Variants in ATRNL1 observed in about 807,000 individuals in gnomAD.
The protein encoded by ATRNL1 is attractin-like protein 1.
Under a neutral mutation model 182.7 loss-of-function variants are expected in ATRNL1, and 95 were observed. The ratio of observed to expected loss-of-function variants is 0.52; its 90% CI spans 0.44 to 0.62. The LOEUF (loss-of-function observed/expected upper bound fraction) is 0.62. ATRNL1 is among the 20% of genes least tolerant of loss of function. The probability of loss-of-function intolerance (pLI) is 0.00; values close to 1 mark genes in which losing one functional copy is unlikely to be tolerated. For missense variants in ATRNL1, 1,471 were observed against 1,679.5 expected, an observed-to-expected ratio of 0.88 and a Z score of 2.17; for synonymous variants, 576 against 568.3, an observed-to-expected ratio of 1.01 and a Z score of -0.19.
intron 15 of ATRNL1, among the ~76,000 whole-genome samples, chr10:115,297,097 A>T (rs1250364204): frequency 1.3e-5 from 2 of 149,978 alleles, no homozygotes; most frequent in African/African-American, 4.9e-5. Flanking sequence ...ACATGAAAAT[A>T]TTGGTAAAGA....
At chr10:115,847,410 G>A (rs1431466811) in intron 27 of ATRNL1, among the ~76,000 whole-genome samples, 1 of 152,010 alleles carries the variant, frequency 6.6e-6, no homozygotes, top group East Asian at 1.9e-4. Flanking sequence ...TGATGAATAT[G>A]TTACTTCGAT....
chr10:115,396,116 T>C (rs1377400365), intron 20 of ATRNL1, among the ~76,000 whole-genome samples: 1 of 151,962 alleles, frequency 6.6e-6, no homozygotes, highest in Non-Finnish European at 1.5e-5. Flanking sequence ...GTTAGGTGAT[T>C]ATGTCTTTGC....
At chr10:115,528,351 G>A (rs1554987268) in intron 25 of ATRNL1, among the ~76,000 whole-genome samples, 1 of 151,788 alleles carries the variant, frequency 6.6e-6, no homozygotes, top group Non-Finnish European at 1.5e-5. Flanking sequence ...TTCAATCTTG[G>A]TAGGTTTTAT....
intron 9 of ATRNL1, among the ~76,000 whole-genome samples, chr10:115,223,314 C>T (rs2144463632): frequency 6.6e-6 from 1 of 152,174 alleles, no homozygotes; most frequent in Non-Finnish European, 1.5e-5. Flanking sequence ...CTAAATGTGA[C>T]AGATTAAATA....
chr10:115,353,009 C>T (rs545410339), intron 19 of ATRNL1, among the ~76,000 whole-genome samples: 1 of 152,314 alleles, frequency 6.6e-6, no homozygotes, highest in East Asian at 1.9e-4. Flanking sequence ...CAAGAATATT[C>T]CATGTGCTAA....
At chr10:115,138,806 C>T (rs1450114146) in intron 5 of ATRNL1, among the ~76,000 whole-genome samples, 1 of 152,206 alleles carries the variant, frequency 6.6e-6, no homozygotes, top group Non-Finnish European at 1.5e-5. Flanking sequence ...ATTACTTATG[C>T]AAATTTATGC....
chr10:115,800,660 A>C (rs1013725718), intron 27 of ATRNL1, among the ~76,000 whole-genome samples: 5 of 152,188 alleles, frequency 3.3e-5, no homozygotes, highest in African/African-American at 1.2e-4. Context: ...GCATAGCTTG[A>C]AGCCCTAACC....
intron 27 of ATRNL1, among the ~76,000 whole-genome samples, chr10:115,789,531 CG>C (rs1318004670): frequency 6.6e-6 from 1 of 152,096 alleles, no homozygotes; most frequent in Non-Finnish European, 1.5e-5. Flanking sequence ...GGCTCAACTG[CG>C]GGGGTTGTGC....
At chr10:115,227,357 T>C (rs1849743273) in intron 9 of ATRNL1, among the ~76,000 whole-genome samples, 1 of 151,836 alleles carries the variant, frequency 6.6e-6, no homozygotes, top group Non-Finnish European at 1.5e-5. Flanking sequence ...GCAAATGAGG[T>C]ATCACACCAG....
At chr10:115,700,506 T>A (rs1054899886) in intron 26 of ATRNL1, among the ~76,000 whole-genome samples, 2 of 152,164 alleles carry the variant, frequency 1.3e-5, no homozygotes, top group Admixed American at 6.6e-5. Flanking sequence ...TTTTGAGAAG[T>A]GTCTGTTCAT....
intron 21 of ATRNL1, among the ~76,000 whole-genome samples, chr10:115,457,242 G>A (rs1847570068): frequency 6.6e-6 from 1 of 152,090 alleles, no homozygotes; most frequent in African/African-American, 2.4e-5. Context: ...GGCTGAGTCT[G>A]GGGTTTTTAT....
At chr10:115,446,648 T>C (rs1847011852) in intron 21 of ATRNL1, among the ~76,000 whole-genome samples, 1 of 152,040 alleles carries the variant, frequency 6.6e-6, no homozygotes, top group African/African-American at 2.4e-5. Flanking sequence ...TTACTACTTT[T>C]CCTATGTTTT....
intron 26 of ATRNL1, among the ~76,000 whole-genome samples, chr10:115,699,817 T>G (rs1239689354): frequency 1.3e-5 from 2 of 152,200 alleles, no homozygotes; most frequent in Non-Finnish European, 2.9e-5. Flanking sequence ...ACCCCATAGT[T>G]ACTTTCTCAG....
intron 24 of ATRNL1, among the ~76,000 whole-genome samples, chr10:115,474,424 T>A (rs1848441262): frequency 6.6e-6 from 1 of 151,362 alleles, no homozygotes; most frequent in Non-Finnish European, 1.5e-5. Context: ...CCTAGTGAAG[T>A]CCTTTTTAGA....
At chr10:115,662,861 T>C (rs1462825906) in intron 26 of ATRNL1, among the ~76,000 whole-genome samples, 9 of 152,058 alleles carry the variant, frequency 5.9e-5, no homozygotes, top group African/African-American at 2.2e-4. Context: ...TTATACAAAC[T>C]TTAAAATCCA....
intron 22 of ATRNL1, among the ~76,000 whole-genome samples, chr10:115,462,812 A>G (rs1054676681): frequency 2.0e-5 from 3 of 152,104 alleles, no homozygotes; most frequent in Admixed American, 1.3e-4. Context: ...GTTTAAATAT[A>G]TGAAAGATTC....
At chr10:115,602,660 G>A (rs1856663026) in intron 26 of ATRNL1, among the ~76,000 whole-genome samples, 1 of 152,044 alleles carries the variant, frequency 6.6e-6, no homozygotes, top group Non-Finnish European at 1.5e-5. Context: ...TCAGGAGATC[G>A]AGACCATCCT....
intron 1 of ATRNL1, among the ~76,000 whole-genome samples, chr10:115,112,736 C>G (rs1554868552): frequency 1.3e-5 from 2 of 152,098 alleles, no homozygotes; most frequent in African/African-American, 4.8e-5. Flanking sequence ...AAGCCTGCAG[C>G]AGGAGACTAT....
chr10:115,545,760 A>G (rs911332414), intron 25 of ATRNL1, among the ~76,000 whole-genome samples: 11 of 152,216 alleles, frequency 7.2e-5, no homozygotes, highest in Admixed American at 2.6e-4. Context: ...TAACTTTTCT[A>G]TATACACTAT....
Sources: gnomAD v4.1 joint callset for allele counts (sites outside exome capture counted in the v4.1 genomes callset) on GRCh38, gnomAD v4.1.1 for gene constraint, MANE v1.5 for transcripts, NCBI Gene and HGNC (gene_info 2026-07-23, HGNC 2026-07-21) for gene names.